Variants in DMTF1 observed in about 807,000 individuals in gnomAD.
DMTF1 encodes the protein cyclin D binding myb like transcription factor 1.
Under a neutral mutation model 91.1 loss-of-function variants are expected in DMTF1, and 39 were observed. That is an observed-to-expected ratio of 0.43 (90% CI 0.33 to 0.56). The LOEUF is 0.56. Ranked by LOEUF, DMTF1 falls within the 20% of genes least tolerant of loss-of-function variation. The pLI is 0.05. For synonymous variants in DMTF1, 338 were observed against 309.5 expected, an observed-to-expected ratio of 1.09 and a Z score of -0.97; for missense variants, 750 against 914.5, an observed-to-expected ratio of 0.82 and a Z score of 2.32.
In DMTF1 at chr7:87,190,792, C is replaced by T. The variant is rs184286213; in HGVS notation, c.1412-153C>T. ...AAGACAAATTCATTAGATTCCTTATCTCTCTTAAGAAATGTAAATGACTTC... is the reference window on the plus strand; with the variant it reads ...AAGACAAATTCATTAGATTCCTTATTTCTCTTAAGAAATGTAAATGACTTC... On this transcript the variant is annotated intron_variant, in intron 13 of 17. Transcript: ENST00000331242. 36 of 189,024 alleles carry T rather than the reference C, an allele frequency of 1.9e-4. 1 individual carries two copies. In the East Asian group the frequency reaches 6.7e-3, roughly 35 times the overall value. 11.7% of individuals were successfully genotyped at this position (189,024 alleles called of 1,614,324 possible).
At chr7:87,166,990 CT>C (rs1793977929) in intron 4 of DMTF1, among the ~76,000 whole-genome samples, 1 of 152,148 alleles carries the variant, frequency 6.6e-6, no homozygotes, top group African/African-American at 2.4e-5. Flanking sequence ...GCATTTCCCC[CT>C]ACCCCAAGAA....
At chr7:87,174,042 C>T (rs777444823) in intron 6 of DMTF1, among the ~76,000 whole-genome samples, 13 of 152,102 alleles carry the variant, frequency 8.5e-5, no homozygotes, top group Non-Finnish European at 1.8e-4. Context: ...GTTGGCTATG[C>T]TCAAGCATAG....
intron 13 of DMTF1, among the ~76,000 whole-genome samples, chr7:87,190,389 ATTT>A (rs1321111255): frequency 6.6e-6 from 1 of 152,080 alleles, no homozygotes; most frequent in Non-Finnish European, 1.5e-5. Flanking sequence ...AAAGCCTAGT[ATTT>A]TTGGACTACC....
Position 87,165,009 on chromosome 7 carries a change from A to C in DMTF1, c.68A>C (p.Gln23Pro), listed in dbSNP as rs763560047. ...ACTGTGAACTCTGTGACTTTGACTCAGGACACAGAAGGGAATCTCATTCTT... is the reference window on the plus strand; with the variant it reads ...ACTGTGAACTCTGTGACTTTGACTCCGGACACAGAAGGGAATCTCATTCTT... ...VETVNSVTLT[Q>P]DTEGNLILHC... is the part of the protein sequence containing the mutation. The change falls in exon 3 of 18, where the codon CAG becomes CCG. Residue 23 changes from glutamine to proline, a missense_variant. Gln to Pro is a moderately conservative substitution (Grantham distance 76). This residue lies in a region of DMTF1 where 150 missense variants were observed against 150.4 expected (regional missense o/e 1.00). Coordinates refer to ENST00000331242, the MANE Select transcript of DMTF1 (RefSeq NM_001142327.2). 2.0e-5 allele frequency: 33 copies of C among 1,610,714 alleles called. No homozygotes were observed. Among genetic ancestry groups the C allele is most frequent in the Middle Eastern group, 3.3e-4 (2 of 6,072 alleles).
chr7:87,184,628 T>C lies in DMTF1; in HGVS notation c.1049+3T>C. On this transcript the variant is annotated splice_donor_region_variant and intron_variant, in intron 11 of 17. Coordinates refer to ENST00000331242, the MANE Select transcript of DMTF1 (RefSeq NM_001142327.2). ...GATGAAATCAATCTCATCCTCAGGT[T>C]TGTGTCCTGAATCTTGTAATGACAA... The C allele has an allele frequency of 6.2e-7, 1 of 1,611,468 alleles. No homozygotes were observed. The highest frequency in any genetic ancestry group is 8.5e-7 in the Non-Finnish European group (1 of 1,177,790).
chr7:87,192,431 A>G (rs1044367510), intron 14 of DMTF1: 14 of 152,106 alleles, frequency 9.2e-5, no homozygotes, highest in Admixed American at 6.6e-4. Flanking sequence ...AACACTTTCC[A>G]TGAGAAGTAG....
At chr7:87,167,500 T>C (rs1401386690) in intron 4 of DMTF1, among the ~76,000 whole-genome samples, 1 of 152,240 alleles carries the variant, frequency 6.6e-6, no homozygotes, top group African/African-American at 2.4e-5. Context: ...CTGAGAACTT[T>C]GATTTTACAC....
intron 16 of DMTF1, 22 bp from the exon 17 acceptor site, chr7:87,194,662 T>G (rs1249769177): frequency 8.3e-7 from 1 of 1,200,542 alleles, no homozygotes. Context: ...TGAGTCAATA[T>G]TTTTTTTTTA....
chr7:87,165,076 T>G (rs753311021), intron 3 of DMTF1, 26 bp downstream of exon 3: 1 of 1,516,706 alleles, frequency 6.6e-7, no homozygotes, highest in Non-Finnish European at 9.1e-7. Context: ...GACATATAAT[T>G]CTGACTCTCT....
At chr7:87,184,761 C>A (rs1265127740) in intron 11 of DMTF1, 136 bp downstream of exon 11, 1 of 780,850 alleles carries the variant, frequency 1.3e-6, no homozygotes, top group Non-Finnish European at 2.2e-6. Context: ...TGTTTAAGAT[C>A]TTAAGTATTT....
At position 87,195,174 on chromosome 7, in the gene DMTF1, A is replaced by G. The variant is rs1351281426; in HGVS notation, c.*34A>G. 4.1e-6 allele frequency: 6 copies of G among 1,450,230 alleles called. No homozygotes were observed. The highest frequency in any genetic ancestry group is 2.3e-5 in the East Asian group (1 of 43,936). The allele number at this position is 1,450,230 out of a possible 1,614,324, so 89.8% of individuals were successfully genotyped here. A position where few individuals can be genotyped will look rare whatever the true frequency, so the allele number is the denominator to read the frequency against. On this transcript the variant is annotated 3_prime_UTR_variant, in exon 18 of 18. Transcript: ENST00000331242. ...TTAGAAATAGGCAGTTCAAGCAAAG[A>G]AGGCACACTGTTAATTACAACCTCT...
intron 7 of DMTF1, among the ~76,000 whole-genome samples, chr7:87,175,803 A>G (rs926874774): frequency 4.6e-5 from 7 of 152,306 alleles, no homozygotes; most frequent in Admixed American, 4.6e-4. Flanking sequence ...GAACTAAGAT[A>G]AATAGCCTCT....
At chr7:87,190,758 A>G (rs1340545995) in intron 13 of DMTF1, among the ~76,000 whole-genome samples, 187 bp from the exon 14 acceptor site, 6 of 152,076 alleles carry the variant, frequency 3.9e-5, no homozygotes, top group African/African-American at 1.4e-4. Flanking sequence ...CCTGCACTAT[A>G]TGTCATGCAA....
chr7:87,165,354 C>T (rs559973817), intron 3 of DMTF1, among the ~76,000 whole-genome samples: 1 of 152,244 alleles, frequency 6.6e-6, no homozygotes, highest in East Asian at 1.9e-4. Context: ...TTCCTCAATG[C>T]AAGTAGACTT....
In DMTF1 at chr7:87,193,956, A is replaced by C. The variant is rs779459866; in HGVS notation, c.1882A>C (p.Asn628His). ...HPKMTVEPSF[N>H]DAHVSKFSDQ... ...TAAGATGACTGTGGAGCCATCATTT[A>C]ATGATGCTCATGTATCCAAATTCAG... The change falls in exon 16 of 18, where the codon AAT becomes CAT. Residue 628 changes from asparagine to histidine, a missense_variant. Physicochemically the swap from Asn to His is moderately conservative, Grantham distance 68. This residue lies in a region of DMTF1 where 410 missense variants were observed against 420.2 expected (regional missense o/e 0.98). Coordinates refer to ENST00000331242, the MANE Select transcript of DMTF1 (RefSeq NM_001142327.2). The C allele has an allele frequency of 6.2e-7, 1 of 1,613,408 alleles. No individual in the cohort carries two copies. The highest frequency in any genetic ancestry group is 1.1e-5 in the South Asian group (1 of 91,064).
rs534886009 is a variant in DMTF1, at chr7:87,188,398, T to G, written c.1411+97T>G. On this transcript the variant is annotated intron_variant, in intron 13 of 17. Coordinates refer to ENST00000331242, the MANE Select transcript of DMTF1 (RefSeq NM_001142327.2). ...GGTTTTCTAGAATGTTAATAGAAAT[T>G]TACCCAAGTCGGTGAACTGAAGGAC... 88 of 1,318,294 alleles carry G rather than the reference T, an allele frequency of 6.7e-5. No individual in the cohort carries two copies. In the South Asian group the frequency reaches 1.0e-3, roughly 16 times the overall value. The allele number at this position is 1,318,294 out of a possible 1,614,324, so 81.7% of individuals were successfully genotyped here. A position where few individuals can be genotyped will look rare whatever the true frequency, so the allele number is the denominator to read the frequency against.
At chr7:87,157,829 C>A (rs972618258) in intron 1 of DMTF1, among the ~76,000 whole-genome samples, 2 of 151,170 alleles carry the variant, frequency 1.3e-5, no homozygotes, top group African/African-American at 4.9e-5. Context: ...AGTTTTGTAC[C>A]ACACTTAAGG....
At chr7:87,170,081 C>A (rs533863542) in intron 4 of DMTF1, among the ~76,000 whole-genome samples, 36 of 152,294 alleles carry the variant, frequency 2.4e-4, no homozygotes, top group African/African-American at 7.7e-4. Context: ...TCTTCTCCTA[C>A]TAATTAGTAG....
chr7:87,194,020 T>C lies in DMTF1; in HGVS notation c.1946T>C (p.Val649Ala), dbSNP rs959720279. ...ACAGAACTGATGAATAGTGTTATGG[T>C]CAGAACAGAAGAAGAAATCTCTGAC... ...NSTELMNSVMVRTEEEISDTD... is the reference protein window; with the variant it reads ...NSTELMNSVMARTEEEISDTD... The change falls in exon 16 of 18, where the codon GTC becomes GCC. Residue 649 changes from valine (V) to alanine (A), a missense_variant. Physicochemically the swap from Val to Ala is moderately conservative, Grantham distance 64. Coordinates refer to ENST00000331242, the MANE Select transcript of DMTF1 (RefSeq NM_001142327.2). 12 of 1,613,168 alleles carry C rather than the reference T, an allele frequency of 7.4e-6. No homozygotes were observed. Among genetic ancestry groups the C allele is most frequent in the Non-Finnish European group, 9.3e-6 (11 of 1,179,540 alleles).
Sources: allele counts gnomAD v4.1 joint callset (sites outside exome capture counted in the v4.1 genomes callset), GRCh38; gene constraint gnomAD v4.1.1; regional missense constraint gnomAD v4.1.1; transcripts MANE v1.5; gene names NCBI Gene and HGNC (gene_info 2026-07-23, HGNC 2026-07-21).